The following DDX5 variants were observed in gnomAD, a reference collection of about 807,000 sequenced individuals.
The protein encoded by DDX5 is DEAD-box helicase 5.
DDX5 carries 6 observed loss-of-function variants against 68.6 expected under a neutral mutation model. The observed-to-expected ratio is 0.09, with a 90% confidence interval of 0.05 to 0.17. The LOEUF (loss-of-function observed/expected upper bound fraction) is 0.17. Among genes scored for constraint, DDX5 ranks in the 10% least tolerant of loss-of-function variants. The probability of loss-of-function intolerance (pLI) is 1.00; values close to 1 mark genes in which losing one functional copy is unlikely to be tolerated. For missense variants in DDX5, 499 were observed against 756.1 expected, an observed-to-expected ratio of 0.66 and a Z score of 3.99; for synonymous variants, 350 against 247.0, an observed-to-expected ratio of 1.42 and a Z score of -3.91.
chr17:64,503,193 T>C lies in DDX5; in HGVS notation c.805A>G (p.Ile269Val), dbSNP rs1488604088. The C allele has an allele frequency of 1.9e-6, 3 of 1,614,148 alleles. No homozygotes were observed. Among genetic ancestry groups the C allele is most frequent in the Non-Finnish European group, 2.5e-6 (3 of 1,180,006 alleles). The change falls in exon 7 of 13, where the codon ATA becomes GTA. Residue 269 changes from isoleucine (I) to valine (V), a missense_variant. Around this residue, in one of 5 missense-constraint regions of DDX5, gnomAD observed 141 missense variants for 279.8 expected, o/e 0.50. Transcript: ENST00000225792. ...EPQIRKIVDQ[I>V]RPDRQTLMWS... is the part of the protein sequence containing the mutation. ...ATATTTCAAAGGACACTTACTCTTA[T>C]TTGATCCACAATCTTCCTTATTTGG...
At chr17:64,501,061 C>T in intron 11 of DDX5, 1 of 460,298 alleles carries the variant, frequency 2.2e-6, no homozygotes, top group East Asian at 3.9e-5. Flanking sequence ...CCTTACAGAT[C>T]ATCAAGTGAC....
At chr17:64,505,353 C>G in intron 1 of DDX5, 1 of 419,834 alleles carries the variant, frequency 2.4e-6, no homozygotes, top group Non-Finnish European at 4.3e-6. Context: ...GCAAACCCAG[C>G]TGGGGGAACG....
chr17:64,502,026 C>A lies in DDX5; in HGVS notation c.1200G>T (p.Val400=). Residue 400 remains valine, a synonymous_variant, in exon 11 of 13, where the codon GTG becomes GTT. Transcript: ENST00000225792. The part of the protein sequence containing the change: ...GKAPILIATD[V]ASRGLDVEDV... Reference sequence around the variant, plus strand: ...TGTACTAACCTAGCCCTCTGGAGGCCACATCTGTAGCAATCAGAATAGGAG... The same window carrying A: ...TGTACTAACCTAGCCCTCTGGAGGCAACATCTGTAGCAATCAGAATAGGAG... 1.2e-6 allele frequency: 2 copies of A among 1,614,094 alleles called. No homozygotes were observed. Among genetic ancestry groups the A allele is most frequent in the South Asian group, 2.2e-5 (2 of 91,082 alleles).
intron 1 of DDX5, 56 bp downstream of exon 1, chr17:64,506,020 A>AGCCCC: frequency 1.2e-6 from 1 of 868,076 alleles, no homozygotes; most frequent in Non-Finnish European, 1.7e-6. Context: ...CGCCACCCTG[A>AGCCCC]CCCGCCCTCC....
At chr17:64,503,741 A>G in intron 5 of DDX5, 62 bp downstream of exon 5, 1 of 1,559,054 alleles carries the variant, frequency 6.4e-7, no homozygotes, top group East Asian at 2.2e-5. Context: ...TTACATCTTT[A>G]GCTATGTAGT....
At chr17:64,506,551 C>T (rs1171053780), upstream of DDX5, 6 of 501,850 alleles carry the variant, frequency 1.2e-5, no homozygotes, top group Non-Finnish European at 2.0e-5. Flanking sequence ...CAAGCCACCC[C>T]GCCCTTTCCC....
intron 3 of DDX5, 23 bp downstream of exon 3, chr17:64,504,199 T>C (rs782628405): frequency 6.2e-7 from 1 of 1,613,208 alleles, no homozygotes; most frequent in South Asian, 1.1e-5. Flanking sequence ...CACGGGTAGG[T>C]AGAACTGAAA....
At position 64,499,039 on chromosome 17, in the gene DDX5, G is replaced by T. The variant is rs760506113; in HGVS notation, c.*884C>A. Reference sequence around the variant, plus strand: ...ACTAGTTAAGAGCCCCAGGGAGCCTGTGAAGACTAGAATCTACAAGTAACC... The same window carrying T: ...ACTAGTTAAGAGCCCCAGGGAGCCTTTGAAGACTAGAATCTACAAGTAACC... On this transcript the variant is annotated 3_prime_UTR_variant, in exon 13 of 13. Transcript: ENST00000225792. 3.3e-5 allele frequency among the ~76,000 whole-genome samples: 5 copies of T among 152,214 alleles called. No individual in the cohort carries two copies. The highest frequency in any genetic ancestry group is 7.3e-5 in the Non-Finnish European group (5 of 68,030).
intron 1 of DDX5, 57 bp downstream of exon 1, chr17:64,506,019 G>GTGCC: frequency 8.1e-6 from 11 of 1,360,420 alleles, no homozygotes; most frequent in South Asian, 1.3e-5. Flanking sequence ...CCGCCACCCT[G>GTGCC]ACCCGCCCTC....
At chr17:64,502,603 G>A in intron 8 of DDX5, 54 bp from the exon 9 acceptor site, 1 of 1,281,518 alleles carries the variant, frequency 7.8e-7, no homozygotes, top group Non-Finnish European at 1.1e-6. Context: ...ACCATTGCTA[G>A]GGCCACACAT....
At chr17:64,505,548 C>A (rs2038452127) in intron 1 of DDX5, 1 of 630,330 alleles carries the variant, frequency 1.6e-6, no homozygotes, top group African/African-American at 1.8e-5. Flanking sequence ...CTCGACGCTG[C>A]CATTTTGAGC....
intron 8 of DDX5, 98 bp downstream of exon 8, chr17:64,502,828 C>A (rs1480472041): frequency 4.0e-6 from 5 of 1,237,396 alleles, no homozygotes; most frequent in Non-Finnish European, 5.5e-6. Context: ...TGAAATCACA[C>A]CAACTGAAAT....
At chr17:64,504,562 G>C (rs2038378227) in intron 2 of DDX5, 115 bp downstream of exon 2, 2 of 1,284,122 alleles carry the variant, frequency 1.6e-6, no homozygotes, top group Non-Finnish European at 2.2e-6. Context: ...CAATTATGAA[G>C]TCAGAACATG....
At chr17:64,505,831 A>C (rs2038478663) in intron 1 of DDX5, 3 of 1,536,058 alleles carry the variant, frequency 2.0e-6, no homozygotes, top group African/African-American at 1.4e-5. Context: ...ACAGCTACCA[A>C]ATGGCAGCCG....
chr17:64,503,366 AGT>A lies in DDX5; in HGVS notation c.650-20_650-19del. The A allele has an allele frequency of 6.2e-7, 1 of 1,614,138 alleles. No individual in the cohort carries two copies. Among genetic ancestry groups the A allele is most frequent in the Non-Finnish European group, 8.5e-7 (1 of 1,179,996 alleles). On this transcript the variant is annotated intron_variant, in intron 6 of 12. Coordinates refer to ENST00000225792, the MANE Select transcript of DDX5 (RefSeq NM_004396.5). ...TTCCACACCTTTAATTAAATACGTA[AGT>A]GTAACTACAATACCTAGGATATTTA... is the stretch of plus-strand genomic sequence containing the variant.
At chr17:64,505,574 G>A (rs1419295961) in intron 1 of DDX5, 10 of 703,800 alleles carry the variant, frequency 1.4e-5, no homozygotes, top group Non-Finnish European at 2.5e-5. Flanking sequence ...CGCCGGGCGG[G>A]GTAACAAAGG....
chr17:64,501,994 G>C lies in DDX5; in HGVS notation c.1216+16C>G. On this transcript the variant is annotated intron_variant, in intron 11 of 12. Coordinates refer to ENST00000225792, the MANE Select transcript of DDX5 (RefSeq NM_004396.5). ...TCTTCTGGGAAACCAAGCCATGAAT[G>C]CGAGTTTGTACTAACCTAGCCCTCT... 3.1e-6 allele frequency: 5 copies of C among 1,612,306 alleles called. No homozygotes were observed. Among genetic ancestry groups the C allele is most frequent in the Non-Finnish European group, 1.7e-6 (2 of 1,178,980 alleles).
In DDX5 at chr17:64,500,780, G is replaced by A. The variant is rs2038278484; in HGVS notation, c.1217-7C>T. 6.2e-7 allele frequency: 1 copy of A among 1,607,654 alleles called. No individual in the cohort carries two copies. ...AATTTCACATCTTCCACATCTGTAA[G>A]GTGTTGCAGTGTGGCAAAATAGCAA... On this transcript the variant is annotated splice_polypyrimidine_tract_variant and splice_region_variant and intron_variant, in intron 11 of 12. Transcript: ENST00000225792.
chr17:64,502,745 A>G (rs1246070680), intron 8 of DDX5, 181 bp downstream of exon 8: 2 of 746,968 alleles, frequency 2.7e-6, no homozygotes, highest in Admixed American at 3.0e-5. Flanking sequence ...TTCCTTCTAT[A>G]GGAAAGCTAT....
Sources: allele counts gnomAD v4.1 joint callset (sites outside exome capture counted in the v4.1 genomes callset), GRCh38; gene constraint gnomAD v4.1.1; regional missense constraint gnomAD v4.1.1; transcripts MANE v1.5; gene names NCBI Gene and HGNC (gene_info 2026-07-23, HGNC 2026-07-21).